PZP: variants seen among roughly 807,000 people sequenced by gnomAD.
PZP encodes the protein PZP alpha-2-macroglobulin like, also known as pregnancy zone protein.
Under a neutral mutation model 179.8 loss-of-function variants are expected in PZP, and 150 were observed. That is an observed-to-expected ratio of 0.83 (90% CI 0.73 to 0.96). The LOEUF (loss-of-function observed/expected upper bound fraction) is 0.96, where lower values mean the gene tolerates loss of function less well. PZP is among the 40% of genes least tolerant of loss of function. The pLI, the probability that PZP is intolerant of heterozygous loss-of-function variation, is 0.00. For synonymous variants in PZP, 624 were observed against 652.3 expected (o/e 0.96, Z 0.66); for missense variants, 1,689 against 1,764.0 (o/e 0.96, Z 0.76).
At chr12:9,190,967 G>A (rs767289369) in intron 13 of PZP, among the ~76,000 whole-genome samples, 4 of 152,124 alleles carry the variant, frequency 2.6e-5, no homozygotes, top group South Asian at 2.1e-4. Flanking sequence ...AGAGTAAATC[G>A]GTAATTAATA....
rs1273364301 is a variant in PZP at position 9,203,764 on chromosome 12, T to G, written c.267+4A>C. The G allele has an allele frequency of 1.9e-6, 3 of 1,613,990 alleles. No homozygotes were observed. Among genetic ancestry groups the G allele is most frequent in the Non-Finnish European group, 2.5e-6 (3 of 1,179,928 alleles). Reference sequence around the variant, plus strand: ...GGATAGCCAGCTGGCACCGTAGCACTCACAGTGAAGGAGACACAGTGGAAT... The same window carrying G: ...GGATAGCCAGCTGGCACCGTAGCACGCACAGTGAAGGAGACACAGTGGAAT... On this transcript the variant is annotated splice_donor_region_variant and intron_variant, in intron 2 of 35. Coordinates refer to ENST00000261336, the MANE Select transcript of PZP (RefSeq NM_002864.3).
At chr12:9,207,272 G>GT (rs1340201915) in intron 1 of PZP, among the ~76,000 whole-genome samples, 1 of 152,176 alleles carries the variant, frequency 6.6e-6, no homozygotes, top group African/African-American at 2.4e-5. Flanking sequence ...TAGAAGTGCA[G>GT]TGTGGGTATG....
chr12:9,180,241 T>A (rs1033143600), intron 15 of PZP, among the ~76,000 whole-genome samples: 1 of 152,152 alleles, frequency 6.6e-6, no homozygotes, highest in East Asian at 1.9e-4. Flanking sequence ...AATTTACAGA[T>A]TCAATGCCAT....
chr12:9,168,939 G>T lies in PZP; in HGVS notation c.2037C>A (p.Ile679=), dbSNP rs1343895337. The part of the protein sequence containing the change: ...MGLKVFTNSK[I]RKPKSCSVIP... ...TGACTGAACACGACTTTGGTTTTCG[G>T]ATTTTTGAGTTAGTGAACACCTTCA... is the stretch of plus-strand genomic sequence containing the variant. The change falls in exon 17 of 36, where the codon ATC becomes ATA. Residue 679 remains isoleucine, a synonymous_variant. Transcript: ENST00000261336. 2 of 1,614,024 alleles carry T rather than the reference G, an allele frequency of 1.2e-6. No homozygotes were observed. Among genetic ancestry groups the T allele is most frequent in the East Asian group, 4.5e-5 (2 of 44,862 alleles).
In PZP at chr12:9,180,148, T is replaced by C. The variant is rs1803476171; in HGVS notation, c.1839+835A>G. ...CTTATTTATTTATTTATTTATTTTA[T>C]TATACTTTAAGTTTTAGGGTACATG... On this transcript the variant is annotated intron_variant, in intron 15 of 35. Coordinates refer to ENST00000261336, the MANE Select transcript of PZP (RefSeq NM_002864.3). Among the ~76,000 whole-genome samples the C allele has an allele frequency of 7.2e-5, 11 of 152,274 alleles. No individual in the cohort carries two copies. In the South Asian group the frequency reaches 2.3e-3, roughly 32 times the overall value.
rs1027563243 is a variant in PZP, at chr12:9,149,570, A to T, written c.4417T>A (p.Cys1473Ser). The change falls in exon 35 of 36, where the codon TGC becomes AGC. Residue 1473 changes from cysteine (C) to serine (S), a missense_variant. Physicochemically the swap from Cys to Ser is moderately radical, Grantham distance 112 (BLOSUM62 -1). Around this residue, in one of 3 missense-constraint regions of PZP, gnomAD observed 746 missense variants for 749.2 expected, o/e 1.00. Transcript: ENST00000261336. ...ESVVAEYIAPCSTDTEHGNV is the reference protein window; with the variant it reads ...ESVVAEYIAPSSTDTEHGNV Reference sequence around the variant, plus strand: ...AGTGGTGAACTCTTACCTGTGCTGCAGGGGGCGATATACTCAGCAACCACA... The same window carrying T: ...AGTGGTGAACTCTTACCTGTGCTGCTGGGGGCGATATACTCAGCAACCACA... The T allele has an allele frequency of 1.7e-5, 27 of 1,612,886 alleles. No homozygotes were observed. Among genetic ancestry groups the T allele is most frequent in the Non-Finnish European group, 2.2e-5 (26 of 1,179,360 alleles).
chr12:9,143,600 C>T, the PZP span, among the ~76,000 whole-genome samples: 4 of 152,058 alleles, frequency 2.6e-5, no homozygotes, highest in African/African-American at 9.7e-5. Context: ...AGAAGAAAGC[C>T]TGAATATTCA....
At chr12:9,184,235 G>A (rs2121004861) in intron 13 of PZP, among the ~76,000 whole-genome samples, 1 of 152,262 alleles carries the variant, frequency 6.6e-6, no homozygotes, top group Non-Finnish European at 1.5e-5. Flanking sequence ...GCATTGGCAG[G>A]CACTAAGCTC....
chr12:9,147,215 T>A (rs1940056259), downstream of PZP, among the ~76,000 whole-genome samples: 1 of 152,168 alleles, frequency 6.6e-6, no homozygotes, highest in African/African-American at 2.4e-5. Context: ...GGGAGAAGGA[T>A]CTATAGTGCC....
rs1477868230 is a variant in PZP, at chr12:9,150,652, T to C, written c.4376A>G (p.Tyr1459Cys). 1.3e-6 allele frequency: 2 copies of C among 1,598,852 alleles called. No individual in the cohort carries two copies. The highest frequency in any genetic ancestry group is 1.3e-5 in the African/African-American group (1 of 74,680). Residue 1459 changes from tyrosine (Y) to cysteine (C), a missense_variant, in exon 34 of 36, where the codon TAT becomes TGT. Tyr to Cys is a radical substitution (Grantham distance 194). Around this residue, in one of 3 missense-constraint regions of PZP, gnomAD observed 746 missense variants for 749.2 expected, o/e 1.00. Coordinates refer to ENST00000261336, the MANE Select transcript of PZP (RefSeq NM_002864.3). Reference protein sequence around the residue: ...KPAIVKVYDYYETDESVVAEY... With the variant: ...KPAIVKVYDYCETDESVVAEY... Reference sequence around the variant, plus strand: ...ATTTTTCTTTCACTCACCTGTCTCATAGTAATCATAGACTTTAACAATTGC... The same window carrying C: ...ATTTTTCTTTCACTCACCTGTCTCACAGTAATCATAGACTTTAACAATTGC...
chr12:9,160,619 G>A, intron 23 of PZP, 129 bp from the exon 24 acceptor site: 1 of 835,156 alleles, frequency 1.2e-6, no homozygotes, highest in East Asian at 2.6e-5. Flanking sequence ...CACAGAGTGT[G>A]ACTTCCAGAA....
chr12:9,200,344 A>T lies in PZP; in HGVS notation c.755+20T>A. 1.3e-6 allele frequency: 2 copies of T among 1,534,472 alleles called. No homozygotes were observed. The highest frequency in any genetic ancestry group is 1.4e-5 in the African/African-American group (1 of 72,720). On this transcript the variant is annotated intron_variant, in intron 7 of 35. Coordinates refer to ENST00000261336, the MANE Select transcript of PZP (RefSeq NM_002864.3). ...ATTGAGGCAAAATATAAAATTTTAG[A>T]TAAAAACAATGTAACTCACTCTCCA...
intron 4 of PZP, 82 bp downstream of exon 4, chr12:9,202,237 C>A (rs1314605638): frequency 3.1e-6 from 4 of 1,279,834 alleles, no homozygotes; most frequent in Non-Finnish European, 4.5e-6. Context: ...CATCCTCTCG[C>A]TTTTCTTGTA....
intron 15 of PZP, among the ~76,000 whole-genome samples, chr12:9,180,149 T>C (rs1392176267): frequency 6.6e-6 from 1 of 152,170 alleles, no homozygotes; most frequent in Admixed American, 6.5e-5. Context: ...TTTATTTTAT[T>C]ATACTTTAAG....
At chr12:9,195,245 A>G (rs764092456) in intron 10 of PZP, among the ~76,000 whole-genome samples, 7 of 152,164 alleles carry the variant, frequency 4.6e-5, no homozygotes, top group Non-Finnish European at 8.8e-5. Context: ...AAAATTTAAA[A>G]TAATAAAAAT....
intron 15 of PZP, among the ~76,000 whole-genome samples, chr12:9,178,469 A>G (rs11608867): frequency 0.083 from 12,638 of 152,218 alleles, 724 homozygotes; most frequent in African/African-American, 0.16. Context: ...GGGAGGTGAA[A>G]GAGAAGCCGT....
chr12:9,207,837 C>A (rs1404524981), intron 1 of PZP, among the ~76,000 whole-genome samples: 1 of 152,190 alleles, frequency 6.6e-6, no homozygotes, highest in East Asian at 1.9e-4. Flanking sequence ...TGGTCCCCCA[C>A]TGGGGGCTGT....
intron 7 of PZP, among the ~76,000 whole-genome samples, chr12:9,199,644 G>A (rs779560001): frequency 2.0e-5 from 3 of 151,956 alleles, no homozygotes; most frequent in Admixed American, 6.6e-5. Context: ...GATCTTCAGC[G>A]AAATGTCATT....
chr12:9,181,787 G>A (rs1942776760), intron 14 of PZP, among the ~76,000 whole-genome samples, 188 bp downstream of exon 14: 1 of 152,032 alleles, frequency 6.6e-6, no homozygotes, highest in African/African-American at 2.4e-5. Context: ...ATTTTATTTG[G>A]TAGCAGCTTT....
Sources: allele counts gnomAD v4.1 joint callset (sites outside exome capture counted in the v4.1 genomes callset), GRCh38; gene constraint gnomAD v4.1.1; regional missense constraint gnomAD v4.1.1; transcripts MANE v1.5; gene names NCBI Gene and HGNC (gene_info 2026-07-23, HGNC 2026-07-21).